The following MORC1 variants were observed in gnomAD, a reference collection of about 807,000 sequenced individuals.
The protein encoded by MORC1 is MORC family CW-type zinc finger 1, also known as MORC family CW-type zinc finger protein 1.
MORC1 carries 59 observed loss-of-function variants against 134.9 expected under a neutral mutation model. The ratio of observed to expected loss-of-function variants is 0.44; its 90% CI spans 0.35 to 0.54. The LOEUF (loss-of-function observed/expected upper bound fraction) is 0.54. Ranked by LOEUF, MORC1 falls within the 20% of genes least tolerant of loss-of-function variation. The pLI, the probability that MORC1 is intolerant of heterozygous loss-of-function variation, is 0.00. For synonymous variants in MORC1, 395 were observed against 391.7 expected (o/e 1.01, Z -0.10); for missense variants, 947 against 1,134.5 (o/e 0.83, Z 2.37).
At chr3:109,042,123 G>T (rs1335278546) in intron 14 of MORC1, among the ~76,000 whole-genome samples, 1 of 152,170 alleles carries the variant, frequency 6.6e-6, no homozygotes, top group Non-Finnish European at 1.5e-5. Context: ...TTAGGATTAG[G>T]ATTATTTTGT....
At chr3:109,071,802 CAGA>C (rs1415991816) in intron 8 of MORC1, among the ~76,000 whole-genome samples, 1 of 152,068 alleles carries the variant, frequency 6.6e-6, no homozygotes, top group Non-Finnish European at 1.5e-5. Flanking sequence ...TCCAGAGTCC[CAGA>C]AGGAGAGGAG....
chr3:108,989,076 G>GATTTTAT (rs145441902), intron 21 of MORC1, among the ~76,000 whole-genome samples: 2,545 of 152,214 alleles, frequency 0.017, 68 homozygotes, highest in African/African-American at 0.057. Context: ...GTGTAAATCT[G>GATTTTAT]ATTTTATAGG....
In MORC1 at chr3:109,069,732, C is replaced by T. The variant is rs764997031; in HGVS notation, c.715G>A (p.Ala239Thr). The T allele has an allele frequency of 2.5e-6, 4 of 1,609,578 alleles. No individual in the cohort carries two copies. In the South Asian group the frequency reaches 4.4e-5, roughly 18 times the overall value. Residue 239 changes from alanine to threonine, a missense_variant, in exon 9 of 28, where the codon GCC becomes ACC. Physicochemically the swap from Ala to Thr is moderately conservative, Grantham distance 58. This residue lies in a region of MORC1 where 11 missense variants were observed against 36.2 expected (regional missense o/e 0.30). Transcript: ENST00000232603. ...TTAAAATACAGAACAGATGTGTAGG[C>T]TCTGAATGACCACCTCGCTGGGAAA... ...EDFPARWSFR[A>T]YTSVLYFNPW...
intron 14 of MORC1, among the ~76,000 whole-genome samples, chr3:109,041,735 G>A (rs891187804): frequency 3.3e-5 from 5 of 151,932 alleles, no homozygotes; most frequent in South Asian, 2.1e-4. Context: ...TAGTCCCAGC[G>A]ACTCAGGAGG....
chr3:109,009,641 T>A (rs1249678022), intron 17 of MORC1, among the ~76,000 whole-genome samples: 4 of 152,234 alleles, frequency 2.6e-5, no homozygotes, highest in Admixed American at 2.6e-4. Context: ...TGATTTTTTT[T>A]AGAGAAGTTT....
intron 12 of MORC1, among the ~76,000 whole-genome samples, chr3:109,058,888 A>C (rs1410115878): frequency 6.6e-6 from 1 of 152,074 alleles, no homozygotes; most frequent in African/African-American, 2.4e-5. Context: ...TTATTAATGA[A>C]GTGTTGATTG....
intron 21 of MORC1, among the ~76,000 whole-genome samples, chr3:108,995,802 T>C (rs945222373): frequency 5.9e-5 from 9 of 152,146 alleles, no homozygotes; most frequent in African/African-American, 2.2e-4. Flanking sequence ...TCTTTTAAAA[T>C]TGATTCAAGA....
intron 3 of MORC1, among the ~76,000 whole-genome samples, chr3:109,105,282 C>T (rs1336608059): frequency 2.0e-5 from 3 of 152,120 alleles, no homozygotes; most frequent in South Asian, 2.1e-4. Flanking sequence ...CCCAGCACTT[C>T]GGGAGGCCAA....
At chr3:109,008,049 G>C (rs939901415) in intron 17 of MORC1, among the ~76,000 whole-genome samples, 2 of 151,922 alleles carry the variant, frequency 1.3e-5, no homozygotes, top group African/African-American at 4.8e-5. Context: ...TTGTTGAATC[G>C]TGCCTTTTCA....
intron 16 of MORC1, among the ~76,000 whole-genome samples, chr3:109,031,498 G>A (rs1285801900): frequency 3.3e-5 from 5 of 152,146 alleles, no homozygotes; most frequent in Non-Finnish European, 4.4e-5. Flanking sequence ...AAGTTCATAT[G>A]ATTAACTATT....
At chr3:109,070,871 T>C (rs1358275036) in intron 8 of MORC1, among the ~76,000 whole-genome samples, 1 of 151,992 alleles carries the variant, frequency 6.6e-6, no homozygotes, top group Non-Finnish European at 1.5e-5. Context: ...AGTCAGGAAT[T>C]CATCTTAATT....
At chr3:109,039,191 C>T (rs1173999215) in intron 14 of MORC1, among the ~76,000 whole-genome samples, 1 of 152,216 alleles carries the variant, frequency 6.6e-6, no homozygotes, top group Non-Finnish European at 1.5e-5. Flanking sequence ...GCTAGGATTA[C>T]AGGCGTGAGC....
chr3:109,037,793 T>C (rs1280609638), intron 14 of MORC1, among the ~76,000 whole-genome samples: 1 of 152,254 alleles, frequency 6.6e-6, no homozygotes, highest in Non-Finnish European at 1.5e-5. Flanking sequence ...TATGGCAGCA[T>C]AGTATTCCAT....
chr3:109,077,013 C>A (rs1476603001), intron 8 of MORC1, among the ~76,000 whole-genome samples: 1 of 149,362 alleles, frequency 6.7e-6, no homozygotes, highest in African/African-American at 2.5e-5. Flanking sequence ...CCTGAAAGTT[C>A]TCCAGAGGAA....
intron 9 of MORC1, among the ~76,000 whole-genome samples, chr3:109,065,580 T>C (rs1198655974): frequency 6.6e-6 from 1 of 152,212 alleles, no homozygotes; most frequent in Non-Finnish European, 1.5e-5. Flanking sequence ...TTCTAAAAAG[T>C]TGCAAGTTCT....
chr3:109,053,823 T>A (rs924814474), intron 14 of MORC1, among the ~76,000 whole-genome samples: 5 of 152,172 alleles, frequency 3.3e-5, no homozygotes, highest in Non-Finnish European at 7.3e-5. Flanking sequence ...GCACATAATC[T>A]CATTGTTCAG....
At chr3:109,031,410 T>C (rs986341885) in intron 16 of MORC1, among the ~76,000 whole-genome samples, 1 of 151,986 alleles carries the variant, frequency 6.6e-6, no homozygotes, top group Non-Finnish European at 1.5e-5. Flanking sequence ...GAACCAGGAG[T>C]CAAACCCAGG....
chr3:109,026,494 T>G (rs3804689), intron 17 of MORC1, among the ~76,000 whole-genome samples: 1 of 152,228 alleles, frequency 6.6e-6, no homozygotes, highest in East Asian at 1.9e-4. Flanking sequence ...GCTAATTAAG[T>G]CTTGATGATT....
Position 109,032,808 on chromosome 3 carries a change from T to C in MORC1, c.1477A>G (p.Arg493Gly). ...TAATTAGTAGAGGAAGGCAAGACTC[T>C]CCATTTAAGACAAAGATCTGACAAT... ...IIQCDLCLKW[R>G]VLPSSTNYQE... The change falls in exon 16 of 28, where the codon AGA becomes GGA. Residue 493 changes from arginine (R) to glycine (G), a missense_variant. By Grantham distance (125) the Arg-to-Gly change is moderately radical. Around this residue, in one of 3 missense-constraint regions of MORC1, gnomAD observed 722 missense variants for 817.0 expected, o/e 0.88. Coordinates refer to ENST00000232603, the MANE Select transcript of MORC1 (RefSeq NM_014429.4). The C allele has an allele frequency of 6.3e-7, 1 of 1,592,676 alleles. No individual in the cohort carries two copies. Among genetic ancestry groups the C allele is most frequent in the Non-Finnish European group, 8.6e-7 (1 of 1,165,050 alleles).
Sources: gnomAD v4.1 joint callset for allele counts (sites outside exome capture counted in the v4.1 genomes callset) on GRCh38, gnomAD v4.1.1 for gene constraint, gnomAD v4.1.1 regional missense constraint, MANE v1.5 for transcripts, NCBI Gene and HGNC (gene_info 2026-07-23, HGNC 2026-07-21) for gene names.